Variants in NUP62CL observed in about 807,000 individuals in gnomAD.
The protein encoded by NUP62CL is nucleoporin 62 C-terminal like, also known as nucleoporin-62 C-terminal-like protein.
Under a neutral mutation model 15.3 loss-of-function variants are expected in NUP62CL, and 13 were observed. The observed-to-expected ratio is 0.85, with a 90% CI of 0.55 to 1.35. The LOEUF (loss-of-function observed/expected upper bound fraction) is 1.35. Ranked by LOEUF, NUP62CL falls within the 40% of genes most tolerant of loss-of-function variation. The pLI, the probability that NUP62CL is intolerant of heterozygous loss-of-function variation, is 0.00. For missense variants in NUP62CL, 123 were observed against 130.6 expected (o/e 0.94, Z 0.28); for synonymous variants, 54 against 49.2 (o/e 1.10, Z -0.41).
At chrX:107,158,541 A>G (rs1926272565) in intron 4 of NUP62CL, among the ~76,000 whole-genome samples, 1 of 77,783 alleles carries the variant, frequency 1.3e-5, no homozygotes, top group Non-Finnish European at 2.1e-5. Flanking sequence ...TGGGTACATA[A>G]CGAAATGAAG....
chrX:107,134,054 T>A (rs2147792019), intron 8 of NUP62CL, among the ~76,000 whole-genome samples: 1 of 112,677 alleles, frequency 8.9e-6, no homozygotes, highest in Non-Finnish European at 1.9e-5. Flanking sequence ...TTGGGGCCTA[T>A]TTTTAGTCTA....
intron 2 of NUP62CL, among the ~76,000 whole-genome samples, chrX:107,181,074 G>A (rs900961252): frequency 9.4e-6 from 1 of 106,408 alleles, no homozygotes; most frequent in Non-Finnish European, 1.9e-5. Flanking sequence ...GCATCACAAC[G>A]CCCAACTTTT....
chrX:107,200,479 C>T (rs1927453192), intron 1 of NUP62CL, among the ~76,000 whole-genome samples: 1 of 109,345 alleles, frequency 9.1e-6, no homozygotes, highest in Non-Finnish European at 1.9e-5. Context: ...ATTAGTCAGG[C>T]GTGGTGGTGA....
intron 5 of NUP62CL, among the ~76,000 whole-genome samples, chrX:107,153,733 T>G (rs1926104137): frequency 8.9e-6 from 1 of 111,892 alleles, no homozygotes; most frequent in African/African-American, 3.3e-5. Context: ...TTTGGGAGGC[T>G]GAGGCAGGAG....
intron 1 of NUP62CL, among the ~76,000 whole-genome samples, chrX:107,200,631 AAGAG>A (rs780197630): frequency 7.7e-4 from 82 of 106,371 alleles, no homozygotes; most frequent in Admixed American, 1.9e-3. Context: ...AAAAAAAAAA[AAGAG>A]AGAGAGAGAG....
chrX:107,174,091 CTTT>C (rs1400299899), intron 3 of NUP62CL, among the ~76,000 whole-genome samples: 2 of 75,124 alleles, frequency 2.7e-5, no homozygotes, highest in African/African-American at 1.0e-4. Flanking sequence ...CCCTCCCTCC[CTTT>C]CTCTCTCTCT....
chrX:107,177,269 A>G (rs748435239), intron 2 of NUP62CL, among the ~76,000 whole-genome samples: 5 of 111,961 alleles, frequency 4.5e-5, no homozygotes, highest in Non-Finnish European at 7.5e-5. Context: ...AATGTACACA[A>G]AAATATGAAA....
chrX:107,149,139 C>T, intron 7 of NUP62CL, among the ~76,000 whole-genome samples: 1 of 111,326 alleles, frequency 9.0e-6, no homozygotes, highest in South Asian at 3.7e-4. Context: ...TAAAACAATC[C>T]AGGGCTAAGT....
chrX:107,183,742 C>T (rs1271645641), intron 2 of NUP62CL, among the ~76,000 whole-genome samples: 2 of 111,291 alleles, frequency 1.8e-5, no homozygotes, highest in Non-Finnish European at 3.8e-5. Flanking sequence ...ACAATAACCA[C>T]TCCAACTATA....
rs1358527523 is a variant in NUP62CL, at chrX:107,153,499, C to T, written c.350G>A (p.Arg117His). ...TTTGTTCACTTCTCCATGTAAAATA[C>T]GAATCTATAAAGAGAAATATGAATA... ...HTLIENGEMI[R>H]ILHGEVNKVK... is the part of the protein sequence containing the mutation. The change falls in exon 6 of 9, where the codon CGT becomes CAT. Residue 117 changes from arginine to histidine, a missense_variant. Physicochemically the swap from Arg to His is conservative, Grantham distance 29. Transcript: ENST00000372466. 8.2e-6 allele frequency: 9 copies of T among 1,100,597 alleles called. No individual in the cohort carries two copies. The highest frequency in any genetic ancestry group is 5.8e-5 in the Admixed American group (2 of 34,315). 90.7% of individuals were successfully genotyped at this position (1,100,597 alleles called of 1,213,427 possible). A position where few individuals can be genotyped will look rare whatever the true frequency, so the allele number is the denominator to read the frequency against.
At chrX:107,125,061 T>A (rs988903341) in intron 8 of NUP62CL, among the ~76,000 whole-genome samples, 2 of 111,640 alleles carry the variant, frequency 1.8e-5, no homozygotes, top group Non-Finnish European at 1.9e-5. Context: ...AAGTTCACTA[T>A]ACGTGAATTT....
At chrX:107,170,162 A>C (rs1926614041) in intron 3 of NUP62CL, among the ~76,000 whole-genome samples, 1 of 110,936 alleles carries the variant, frequency 9.0e-6, no homozygotes, top group Admixed American at 9.6e-5. Flanking sequence ...AAAAGAAAAA[A>C]AAAAAAGATG....
At chrX:107,128,731 G>T (rs771686825) in intron 8 of NUP62CL, among the ~76,000 whole-genome samples, 2 of 111,553 alleles carry the variant, frequency 1.8e-5, no homozygotes, top group South Asian at 7.6e-4. Context: ...AGTACTCCAG[G>T]CAAAAGAAAC....
At chrX:107,174,438 C>A (rs1431328802) in intron 3 of NUP62CL, among the ~76,000 whole-genome samples, 1 of 111,051 alleles carries the variant, frequency 9.0e-6, no homozygotes, top group Non-Finnish European at 1.9e-5. Flanking sequence ...CAGGCATAAG[C>A]CACTGAGCCT....
intron 1 of NUP62CL, among the ~76,000 whole-genome samples, chrX:107,197,789 G>C (rs1321854376): frequency 4.5e-5 from 5 of 111,439 alleles, no homozygotes; most frequent in Non-Finnish European, 9.4e-5. Flanking sequence ...AACTGAATGA[G>C]TGTTGATGCC....
chrX:107,165,191 C>G (rs1444139524), intron 4 of NUP62CL, among the ~76,000 whole-genome samples: 1 of 110,031 alleles, frequency 9.1e-6, no homozygotes, highest in East Asian at 2.8e-4. Flanking sequence ...CCCAGCTACT[C>G]AGGAGGCCTC....
In NUP62CL at chrX:107,190,136, C is replaced by A. The variant is rs781175329; in HGVS notation, c.-48+2893G>T. ...CAAGTTAAATGTATTTTACTGCAAC[C>A]TAACTGGAAACTGGTTACCCATATA... On this transcript the variant is annotated intron_variant, in intron 2 of 8. Transcript: ENST00000372466. Among the ~76,000 whole-genome samples, 6 of 111,284 alleles carry A rather than the reference C, an allele frequency of 5.4e-5. No individual in the cohort carries two copies. In the East Asian group the frequency reaches 1.7e-3, roughly 31 times the overall value.
chrX:107,201,108 T>C (rs1927475651), intron 1 of NUP62CL, among the ~76,000 whole-genome samples: 1 of 111,746 alleles, frequency 8.9e-6, no homozygotes, highest in Non-Finnish European at 1.9e-5. Context: ...ATGGCCTCAC[T>C]CCACAGAAAA....
chrX:107,180,913 C>CT (rs35001668), intron 2 of NUP62CL, among the ~76,000 whole-genome samples: 2,020 of 85,076 alleles, frequency 0.024, 128 homozygotes, highest in African/African-American at 0.07. Context: ...TATGGTTTCG[C>CT]TTTTTTTTTT....
Sources: allele counts gnomAD v4.1 joint callset (sites outside exome capture counted in the v4.1 genomes callset), GRCh38; gene constraint gnomAD v4.1.1; transcripts MANE v1.5; gene names NCBI Gene and HGNC (gene_info 2026-07-23, HGNC 2026-07-21).